ADAMTS17: variants seen among roughly 807,000 people sequenced by gnomAD.
ADAMTS17 encodes ADAM metallopeptidase with thrombospondin type 1 motif 17.
ADAMTS17 carries 113 observed loss-of-function variants against 141.5 expected under a neutral mutation model. That is an observed-to-expected ratio of 0.80 (90% CI 0.69 to 0.93). The LOEUF is 0.93. Ranked by LOEUF, ADAMTS17 falls within the 40% of genes least tolerant of loss-of-function variation. The probability of loss-of-function intolerance (pLI) is 0.00; values close to 1 mark genes in which losing one functional copy is unlikely to be tolerated. For missense variants in ADAMTS17, 1,659 were observed against 1,517.9 expected (o/e 1.09, Z -1.54); for synonymous variants, 768 against 630.6 (o/e 1.22, Z -3.27).
chr15:100,315,322 T>C (rs1171542239), intron 3 of ADAMTS17, among the ~76,000 whole-genome samples: 19 of 152,046 alleles, frequency 1.2e-4, no homozygotes, highest in Admixed American at 1.2e-3. Flanking sequence ...CCCCCCACCC[T>C]TCCCAGGGAA....
In ADAMTS17 at chr15:100,085,795, C is replaced by T. The variant is rs549861962; in HGVS notation, c.2137+10561G>A. On this transcript the variant is annotated intron_variant, in intron 15 of 21. Transcript: ENST00000268070. ...AAAATATTATACAGACAAGCAAATG[C>T]TGAGAGATTTTGTCACCACCAGGCC... Among the ~76,000 whole-genome samples, 7 of 151,478 alleles carry T rather than the reference C, an allele frequency of 4.6e-5. No homozygotes were observed. In the South Asian group the frequency reaches 8.4e-4, roughly 18 times the overall value.
chr15:100,304,187 C>T (rs1672364985), intron 3 of ADAMTS17, among the ~76,000 whole-genome samples: 1 of 152,168 alleles, frequency 6.6e-6, no homozygotes, highest in African/African-American at 2.4e-5. Flanking sequence ...CCCTCAGTTG[C>T]CTGTACTCTT....
chr15:100,139,078 T>C (rs1205655001), intron 10 of ADAMTS17, among the ~76,000 whole-genome samples: 1 of 152,050 alleles, frequency 6.6e-6, no homozygotes, highest in African/African-American at 2.4e-5. Flanking sequence ...GACTGGGCAT[T>C]AAAAAGGGCG....
chr15:99,990,843 A>G (rs1176098363), intron 20 of ADAMTS17, among the ~76,000 whole-genome samples: 1 of 152,212 alleles, frequency 6.6e-6, no homozygotes, highest in Non-Finnish European at 1.5e-5. Context: ...TAAATTTTCA[A>G]ATGAAATTTC....
intron 3 of ADAMTS17, among the ~76,000 whole-genome samples, chr15:100,295,331 C>T (rs1223639505): frequency 6.6e-6 from 1 of 152,176 alleles, no homozygotes; most frequent in Non-Finnish European, 1.5e-5. Context: ...TCCCAGACCA[C>T]CTTGCCAGCT....
chr15:100,055,005 A>G (rs1030986164), intron 15 of ADAMTS17, among the ~76,000 whole-genome samples: 10 of 151,668 alleles, frequency 6.6e-5, no homozygotes, highest in East Asian at 1.9e-4. Context: ...TTATTTAGGG[A>G]AAAAAAAATC....
chr15:100,261,748 T>A, intron 5 of ADAMTS17, 112 bp from the exon 6 acceptor site: 1 of 1,243,018 alleles, frequency 8.0e-7, no homozygotes, highest in Non-Finnish European at 1.1e-6. Context: ...GAGACATCAT[T>A]TGATGACTCA....
At chr15:100,033,381 A>C (rs1331250052) in intron 18 of ADAMTS17, among the ~76,000 whole-genome samples, 1 of 152,216 alleles carries the variant, frequency 6.6e-6, no homozygotes, top group Non-Finnish European at 1.5e-5. Flanking sequence ...GTAACATTCC[A>C]GTTGGGCTGG....
At chr15:100,103,652 C>T (rs889530637) in intron 14 of ADAMTS17, among the ~76,000 whole-genome samples, 1 of 151,846 alleles carries the variant, frequency 6.6e-6, no homozygotes, top group Non-Finnish European at 1.5e-5. Flanking sequence ...GATCTTGGCT[C>T]ACTGCAACCT....
intron 7 of ADAMTS17, among the ~76,000 whole-genome samples, chr15:100,237,125 G>A (rs74671100): frequency 1.6e-3 from 243 of 152,166 alleles, no homozygotes; most frequent in Non-Finnish European, 2.8e-3. Flanking sequence ...CTGGGGTGTC[G>A]GGCCAGCCAG....
At chr15:100,164,243 C>T (rs1379685086) in intron 8 of ADAMTS17, among the ~76,000 whole-genome samples, 1 of 152,180 alleles carries the variant, frequency 6.6e-6, no homozygotes, top group Non-Finnish European at 1.5e-5. Context: ...GAGGATGATA[C>T]AAAGTACTCC....
At chr15:100,142,621 G>A (rs58751378) in intron 10 of ADAMTS17, among the ~76,000 whole-genome samples, 2,722 of 152,270 alleles carry the variant, frequency 0.018, 79 homozygotes, top group African/African-American at 0.062. Context: ...TTTTGCAGAT[G>A]AGAAGACTGA....
intron 20 of ADAMTS17, 143 bp from the exon 21 acceptor site, chr15:99,976,365 T>C (rs913380474): frequency 4.7e-6 from 5 of 1,056,064 alleles, no homozygotes; most frequent in Non-Finnish European, 5.6e-6. Flanking sequence ...GGCCTCACAA[T>C]GTGGCACTGC....
At chr15:100,235,198 A>G (rs987720869) in intron 7 of ADAMTS17, among the ~76,000 whole-genome samples, 3 of 152,168 alleles carry the variant, frequency 2.0e-5, no homozygotes, top group Non-Finnish European at 2.9e-5. Context: ...CTCTTCTGTC[A>G]GCAGTGGTGT....
At chr15:100,147,175 G>C (rs912995748) in intron 10 of ADAMTS17, among the ~76,000 whole-genome samples, 4 of 152,024 alleles carry the variant, frequency 2.6e-5, no homozygotes, top group African/African-American at 4.8e-5. Context: ...AACCTACCGA[G>C]ATGTGATGTC....
chr15:100,145,850 C>A (rs1349853537), intron 10 of ADAMTS17, among the ~76,000 whole-genome samples: 1 of 152,214 alleles, frequency 6.6e-6, no homozygotes, highest in Non-Finnish European at 1.5e-5. Flanking sequence ...ACATTCTAAT[C>A]TTTAACGCAT....
intron 18 of ADAMTS17, among the ~76,000 whole-genome samples, chr15:100,028,474 G>T (rs2029866843): frequency 6.6e-6 from 1 of 152,218 alleles, no homozygotes. Context: ...TAGCATCTTG[G>T]ATTGGATTTT....
chr15:100,172,304 T>G (rs1361019141), intron 8 of ADAMTS17, among the ~76,000 whole-genome samples: 1 of 152,204 alleles, frequency 6.6e-6, no homozygotes, highest in Non-Finnish European at 1.5e-5. Flanking sequence ...AGGTTCCAGG[T>G]GATTCTCATG....
At chr15:100,279,070 T>C (rs1353130152) in intron 4 of ADAMTS17, among the ~76,000 whole-genome samples, 2 of 152,034 alleles carry the variant, frequency 1.3e-5, no homozygotes, top group African/African-American at 4.8e-5. Flanking sequence ...GTGGGAACGG[T>C]GCATTGGGGG....
Sources: allele counts gnomAD v4.1 joint callset (sites outside exome capture counted in the v4.1 genomes callset), GRCh38; gene constraint gnomAD v4.1.1; transcripts MANE v1.5; gene names NCBI Gene and HGNC (gene_info 2026-07-23, HGNC 2026-07-21).